Variants in GSAP observed in about 807,000 individuals in gnomAD.
GSAP encodes gamma-secretase activating protein, also known as gamma-secretase-activating protein.
GSAP carries 118 observed loss-of-function variants against 131.7 expected under a neutral mutation model. The ratio of observed to expected loss-of-function variants is 0.90; its 90% confidence interval spans 0.77 to 1.04. GSAP has a LOEUF of 1.04. Ranked by LOEUF, GSAP falls within the 50% of genes least tolerant of loss-of-function variation. GSAP has a pLI of 0.00. For synonymous variants in GSAP, 381 were observed against 363.4 expected (o/e 1.05, Z -0.55); for missense variants, 1,019 against 1,013.2 (o/e 1.01, Z -0.08).
At chr7:77,391,111 A>G (rs1039057277) in intron 5 of GSAP, among the ~76,000 whole-genome samples, 1 of 130,502 alleles carries the variant, frequency 7.7e-6, no homozygotes, top group Non-Finnish European at 1.6e-5. Flanking sequence ...TGGGCAACAG[A>G]TGAGGCTCCG....
At chr7:77,340,198 C>G (rs1790697775) in intron 19 of GSAP, among the ~76,000 whole-genome samples, 1 of 152,230 alleles carries the variant, frequency 6.6e-6, no homozygotes, top group Non-Finnish European at 1.5e-5. Flanking sequence ...GACAAAACCC[C>G]CTTTGACTGT....
At chr7:77,378,192 G>A (rs377264136) in intron 8 of GSAP, among the ~76,000 whole-genome samples, 50 of 152,236 alleles carry the variant, frequency 3.3e-4, no homozygotes, top group African/African-American at 1.2e-3. Context: ...TTTGGAAGGC[G>A]GAAAATGGGC....
intron 7 of GSAP, among the ~76,000 whole-genome samples, chr7:77,381,859 T>C (rs1321844859): frequency 6.0e-5 from 9 of 151,118 alleles, no homozygotes; most frequent in Non-Finnish European, 1.3e-4. Context: ...TCTGTGTAGA[T>C]GGTCTCTTTC....
rs1584170863 is a variant in GSAP at position 77,311,313 on chromosome 7, AGCAAGATTAAAATG to A, written c.*31_*44del. 1 of 1,068,342 alleles carries A rather than the reference AGCAAGATTAAAATG, an allele frequency of 9.4e-7. No homozygotes were observed. The highest frequency in any genetic ancestry group is 2.4e-5 in the East Asian group (1 of 42,390). 66.2% of individuals were successfully genotyped at this position (1,068,342 alleles called of 1,614,324 possible). The stretch of plus-strand genomic sequence containing the variant: ...AATTCTCAAAGGAGTAAGGTTAATG[AGCAAGATTAAAATG>A]GCAGCAGCAGATCCAATTGCGTTTT... On this transcript the variant is annotated 3_prime_UTR_variant, in exon 31 of 31. Coordinates refer to ENST00000257626, the MANE Select transcript of GSAP (RefSeq NM_017439.4).
Position 77,400,646 on chromosome 7 carries a change from A to G in GSAP, c.244-3231T>C, listed in dbSNP as rs532842584. Among the ~76,000 whole-genome samples, 7 of 152,336 alleles carry G rather than the reference A, an allele frequency of 4.6e-5. No homozygotes were observed. In the South Asian group the frequency reaches 1.5e-3, roughly 32 times the overall value. Reference sequence around the variant, plus strand: ...GGAGGTATGCTAAAGAGAAGACTTAAAAAACATCCAGAGTTTCATAATGCA... The same window carrying G: ...GGAGGTATGCTAAAGAGAAGACTTAGAAAACATCCAGAGTTTCATAATGCA... On this transcript the variant is annotated intron_variant, in intron 3 of 30. Coordinates refer to ENST00000257626, the MANE Select transcript of GSAP (RefSeq NM_017439.4).
chr7:77,381,970 C>G (rs1159768369), intron 7 of GSAP, among the ~76,000 whole-genome samples: 1 of 150,386 alleles, frequency 6.6e-6, no homozygotes, highest in African/African-American at 2.5e-5. Flanking sequence ...ACCCCTCAAG[C>G]CTGTCCTTCC....
Position 77,400,544 on chromosome 7 carries a change from A to T in GSAP, c.244-3129T>A, listed in dbSNP as rs189087617. Among the ~76,000 whole-genome samples the T allele has an allele frequency of 2.6e-4, 39 of 152,232 alleles. No individual in the cohort carries two copies. The East Asian group carries it at 7.1e-3, about 28-fold the overall frequency. ...CAAGTAGGCCAAGTGGGGAACCTGG[A>T]CCTTCCCCTGGCACAACCTAGCAGT... On this transcript the variant is annotated intron_variant, in intron 3 of 30. Transcript: ENST00000257626.
chr7:77,353,030 A>G lies in GSAP; in HGVS notation c.1409-4T>C. 6.4e-7 allele frequency: 1 copy of G among 1,574,638 alleles called. No homozygotes were observed. Reference sequence around the variant, plus strand: ...TATACACTCCAGTATGAAGAAGCTGAGTAGATTTTTTTTGAAACAGGGGGA... The same window carrying G: ...TATACACTCCAGTATGAAGAAGCTGGGTAGATTTTTTTTGAAACAGGGGGA... On this transcript the variant is annotated splice_polypyrimidine_tract_variant and splice_region_variant and intron_variant, in intron 17 of 30. Transcript: ENST00000257626.
chr7:77,365,505 T>C (rs1311522886), intron 12 of GSAP, among the ~76,000 whole-genome samples: 1 of 152,126 alleles, frequency 6.6e-6, no homozygotes, highest in Non-Finnish European at 1.5e-5. Context: ...GTTCCTGCGT[T>C]AGTTTGCTAA....
chr7:77,374,146 G>C lies in GSAP; in HGVS notation c.795C>G (p.Asn265Lys), dbSNP rs1379479020. Residue 265 changes from asparagine to lysine, a missense_variant, in exon 12 of 31, where the codon AAC becomes AAG. Transcript: ENST00000257626. ...SLSNSGFKLV[N>K]FGCDYHQYRD... is the part of the protein sequence containing the mutation. ...GGTATTGATGATAATCACATCCAAA[G>C]TTGACAAGTCTAAGAACATAAAGAA... 3.9e-6 allele frequency: 6 copies of C among 1,557,680 alleles called. No individual in the cohort carries two copies. Among genetic ancestry groups the C allele is most frequent in the Non-Finnish European group, 5.3e-6 (6 of 1,134,990 alleles).
Position 77,312,133 on chromosome 7 carries a change from C to G in GSAP, c.2341G>C (p.Val781Leu). Residue 781 changes from valine to leucine, a missense_variant, in exon 29 of 31, where the codon GTG becomes CTG. Coordinates refer to ENST00000257626, the MANE Select transcript of GSAP (RefSeq NM_017439.4). ...TTATAGTTCTGAAGCAGTCGCGTCA[C>G]GTGGTTCCGCGAAATGATGTTAGAA... ...MSSNIISRNH[V>L]TRLLQNYKKQ... The G allele has an allele frequency of 6.2e-7, 1 of 1,602,872 alleles. No individual in the cohort carries two copies. The highest frequency in any genetic ancestry group is 1.3e-5 in the African/African-American group (1 of 74,332).
chr7:77,314,326 G>A (rs1584195174), intron 27 of GSAP, 44 bp downstream of exon 27: 3 of 1,608,072 alleles, frequency 1.9e-6, no homozygotes, highest in South Asian at 1.1e-5. Flanking sequence ...CCTTGGTGGT[G>A]CTCAGGCTGG....
rs111641923 is a variant in GSAP, at chr7:77,387,510, A to C, written c.368-62T>G. On this transcript the variant is annotated intron_variant, in intron 5 of 30. Transcript: ENST00000257626. Reference sequence around the variant, plus strand: ...TAATATCACACATTATTTTTTCCAAAGCAAGGAGTAAGAACAATTTCCGGT... The same window carrying C: ...TAATATCACACATTATTTTTTCCAACGCAAGGAGTAAGAACAATTTCCGGT... 1.2e-4 allele frequency: 109 copies of C among 887,696 alleles called. 1 individual carries two copies. In the African/African-American group the frequency reaches 1.5e-3, roughly 12 times the overall value. The allele number at this position is 887,696 out of a possible 1,614,324, so 55.0% of individuals were successfully genotyped here.
intron 28 of GSAP, among the ~76,000 whole-genome samples, chr7:77,312,799 T>C (rs1405973669): frequency 6.6e-6 from 1 of 152,130 alleles, no homozygotes; most frequent in East Asian, 1.9e-4. Context: ...GTGCCAGAGG[T>C]GCAAGTGTGC....
At chr7:77,379,562 T>C (rs1260603630) in intron 8 of GSAP, among the ~76,000 whole-genome samples, 1 of 152,122 alleles carries the variant, frequency 6.6e-6, no homozygotes, top group African/African-American at 2.4e-5. Context: ...CTCTTCCCAG[T>C]GTGTGTCTGT....
chr7:77,336,911 T>C (rs1186995223), intron 19 of GSAP, among the ~76,000 whole-genome samples: 2 of 152,228 alleles, frequency 1.3e-5, no homozygotes, highest in South Asian at 2.1e-4. Flanking sequence ...CCAGAAAATA[T>C]GTGCAAACTG....
rs538717437 is a variant in GSAP, at chr7:77,348,512, C to T, written c.1545+839G>A. Among the ~76,000 whole-genome samples, 9 of 152,272 alleles carry T rather than the reference C, an allele frequency of 5.9e-5. No individual in the cohort carries two copies. In the South Asian group the frequency reaches 1.2e-3, roughly 21 times the overall value. ...CCCCCAGCTGTCCAGGCCCGGCCTGCCCTTCACAGATACAAAAGAATCAAA... is the reference window on the plus strand; with the variant it reads ...CCCCCAGCTGTCCAGGCCCGGCCTGTCCTTCACAGATACAAAAGAATCAAA... On this transcript the variant is annotated intron_variant, in intron 19 of 30. Coordinates refer to ENST00000257626, the MANE Select transcript of GSAP (RefSeq NM_017439.4).
chr7:77,318,082 C>T (rs1787106130), intron 26 of GSAP, among the ~76,000 whole-genome samples: 2 of 152,210 alleles, frequency 1.3e-5, no homozygotes, highest in African/African-American at 4.8e-5. Flanking sequence ...CATGTTTCAA[C>T]ATCAACTAAT....
intron 1 of GSAP, among the ~76,000 whole-genome samples, chr7:77,406,724 G>A (rs1279753622): frequency 6.6e-6 from 1 of 152,246 alleles, no homozygotes; most frequent in East Asian, 1.9e-4. Flanking sequence ...CAAGGGTCAG[G>A]TGAATCAGCA....
Sources: gnomAD v4.1 joint callset for allele counts (sites outside exome capture counted in the v4.1 genomes callset) on GRCh38, gnomAD v4.1.1 for gene constraint, MANE v1.5 for transcripts, NCBI Gene and HGNC (gene_info 2026-07-23, HGNC 2026-07-21) for gene names.